Variants in UBR3 observed in about 807,000 individuals in gnomAD.
UBR3 encodes ubiquitin protein ligase E3 component n-recognin 3.
In UBR3, 85 loss-of-function variants were observed where a neutral mutation model predicts 243.2. The ratio of observed to expected loss-of-function variants is 0.35; its 90% CI spans 0.29 to 0.42. The LOEUF is 0.42. Among genes scored for constraint, UBR3 ranks in the 10% least tolerant of loss-of-function variants. The probability of loss-of-function intolerance (pLI) is 1.00; values close to 1 mark genes in which losing one functional copy is unlikely to be tolerated. For synonymous variants in UBR3, 748 were observed against 799.8 expected (o/e 0.94, Z 1.09); for missense variants, 1,686 against 2,300.8 (o/e 0.73, Z 5.47).
intron 29 of UBR3, among the ~76,000 whole-genome samples, chr2:170,012,183 T>C (rs1185438618): frequency 6.6e-6 from 1 of 152,176 alleles, no homozygotes; most frequent in African/African-American, 2.4e-5. Flanking sequence ...TATGAATCTT[T>C]TTAAAAAAAC....
chr2:170,076,265 A>G (rs761482100), intron 36 of UBR3, among the ~76,000 whole-genome samples: 2 of 152,222 alleles, frequency 1.3e-5, no homozygotes, highest in Non-Finnish European at 2.9e-5. Flanking sequence ...AGAAAGCAGC[A>G]AAGGATGCTA....
At chr2:169,876,529 CTTTATTGTAT>C (rs1347898992) in intron 3 of UBR3, among the ~76,000 whole-genome samples, 2 of 80,924 alleles carry the variant, frequency 2.5e-5, no homozygotes, top group South Asian at 3.2e-4. Flanking sequence ...CTCTGCCTCT[CTTTATTGTAT>C]TGTATTGTAT....
chr2:169,878,673 G>A (rs2083708486), intron 5 of UBR3, 99 bp downstream of exon 5: 1 of 1,103,590 alleles, frequency 9.1e-7, no homozygotes, highest in Non-Finnish European at 1.3e-6. Context: ...AAACTGTATA[G>A]ATTTGTAGGC....
chr2:170,052,886 AAT>A (rs1255447360), intron 32 of UBR3, among the ~76,000 whole-genome samples: 2 of 152,208 alleles, frequency 1.3e-5, no homozygotes, highest in Non-Finnish European at 2.9e-5. Context: ...TGGGATGATG[AAT>A]ATGTTAGTTA....
At chr2:170,066,989 A>ATAATAATAG (rs1005557304) in intron 35 of UBR3, among the ~76,000 whole-genome samples, 1 of 149,574 alleles carries the variant, frequency 6.7e-6, no homozygotes, top group African/African-American at 2.4e-5. Flanking sequence ...AATAATAATA[A>ATAATAATAG]TAATAAACTT....
rs912319264 is a variant in UBR3 at position 169,931,179 on chromosome 2, G to A, written c.2567-1733G>A. 3.3e-5 allele frequency among the ~76,000 whole-genome samples: 5 copies of A among 151,888 alleles called. No individual in the cohort carries two copies. The East Asian group carries it at 7.8e-4, about 24-fold the overall frequency. ...ATCCTGGCTAACATGGTGAAACCCTGTCTCTACTAAAAATACAAAAAATTA... is the reference window on the plus strand; with the variant it reads ...ATCCTGGCTAACATGGTGAAACCCTATCTCTACTAAAAATACAAAAAATTA... On this transcript the variant is annotated intron_variant, in intron 18 of 38. Transcript: ENST00000272793.
intron 1 of UBR3, among the ~76,000 whole-genome samples, chr2:169,860,050 C>A (rs539884456): frequency 6.6e-6 from 1 of 152,168 alleles, no homozygotes; most frequent in South Asian, 2.1e-4. Context: ...TGATACAGTT[C>A]TATTATATAT....
chr2:169,950,014 C>T lies in UBR3; in HGVS notation c.3494C>T (p.Pro1165Leu). The stretch of plus-strand genomic sequence containing the variant: ...TGTAGAAAAGTGACCCCTCCTGTAC[C>T]ACCTAAAAAAGTCACTGCAGCAGAG... ...EICRKVTPPV[P>L]PKKVTAAEKK... Residue 1165 changes from proline (P) to leucine (L), a missense_variant, in exon 23 of 39, where the codon CCA becomes CTA. Transcript: ENST00000272793. 6.3e-7 allele frequency: 1 copy of T among 1,592,258 alleles called. No individual in the cohort carries two copies. The highest frequency in any genetic ancestry group is 1.2e-5 in the South Asian group (1 of 86,846).
intron 1 of UBR3, among the ~76,000 whole-genome samples, chr2:169,836,049 A>C (rs1299354113): frequency 1.5e-3 from 29 of 19,754 alleles, no homozygotes; most frequent in African/African-American, 1.3e-3. Context: ...CTCTCTATAT[A>C]TATATATATA....
intron 1 of UBR3, among the ~76,000 whole-genome samples, chr2:169,856,581 G>C (rs1327831886): frequency 2.0e-5 from 3 of 152,238 alleles, no homozygotes; most frequent in African/African-American, 4.8e-5. Context: ...CTGCAATCCC[G>C]GCACCTCGGG....
chr2:169,995,086 A>T (rs1464145258), intron 26 of UBR3, among the ~76,000 whole-genome samples: 1 of 152,074 alleles, frequency 6.6e-6, no homozygotes, highest in Non-Finnish European at 1.5e-5. Flanking sequence ...AAACATATTA[A>T]TTTTTTTAAT....
intron 6 of UBR3, among the ~76,000 whole-genome samples, chr2:169,894,399 A>G (rs1224502433): frequency 1.3e-5 from 2 of 151,402 alleles, no homozygotes; most frequent in African/African-American, 2.4e-5. Context: ...CCACTACTAT[A>G]TATCACTTAT....
At chr2:170,011,636 T>G (rs1431540761) in intron 29 of UBR3, among the ~76,000 whole-genome samples, 1 of 151,396 alleles carries the variant, frequency 6.6e-6, no homozygotes, top group African/African-American at 2.4e-5. Flanking sequence ...CTTTTTTTTT[T>G]TTTTTTTGTA....
intron 23 of UBR3, among the ~76,000 whole-genome samples, chr2:169,957,949 TTC>T (rs2087385120): frequency 6.6e-6 from 1 of 152,240 alleles, no homozygotes; most frequent in South Asian, 2.1e-4. Flanking sequence ...CTTCTGTTCA[TTC>T]TCTGTTAGGA....
At chr2:169,913,847 A>T (rs1333780204) in intron 10 of UBR3, among the ~76,000 whole-genome samples, 1 of 152,096 alleles carries the variant, frequency 6.6e-6, no homozygotes, top group African/African-American at 2.4e-5. Flanking sequence ...TTAGAAATGT[A>T]TTGTAAAAAA....
chr2:169,954,165 T>TTTGTCTTGTCTTGTC (rs77961475), intron 23 of UBR3, among the ~76,000 whole-genome samples: 6,740 of 140,788 alleles, frequency 0.048, 218 homozygotes, highest in African/African-American at 0.083. Context: ...TAATGTTTGA[T>TTTGTCTTGTCTTGTC]TTGTCTTGTC....
At chr2:170,024,885 C>T (rs114660972) in intron 30 of UBR3, among the ~76,000 whole-genome samples, 1,724 of 152,150 alleles carry the variant, frequency 0.011, 14 homozygotes, top group Middle Eastern at 0.051. Context: ...GGTGAGTTGT[C>T]GCATGGGAAC....
At chr2:170,070,048 G>A (rs1040550682) in intron 35 of UBR3, among the ~76,000 whole-genome samples, 1 of 151,892 alleles carries the variant, frequency 6.6e-6, no homozygotes, top group Non-Finnish European at 1.5e-5. Context: ...CATGGATATG[G>A]AACTCCTGAA....
intron 30 of UBR3, among the ~76,000 whole-genome samples, chr2:170,015,594 G>GTTTTATACT (rs2090212579): frequency 6.6e-6 from 1 of 151,740 alleles, no homozygotes; most frequent in African/African-American, 2.4e-5. Flanking sequence ...TAAGTGACGA[G>GTTTTATACT]GTTTCAAAAT....
Sources: gnomAD v4.1 joint callset for allele counts (sites outside exome capture counted in the v4.1 genomes callset) on GRCh38, gnomAD v4.1.1 for gene constraint, MANE v1.5 for transcripts, NCBI Gene and HGNC (gene_info 2026-07-23, HGNC 2026-07-21) for gene names.